Variants in FCF1 observed in about 807,000 individuals in gnomAD.
FCF1 encodes the protein rRNA-processing protein FCF1 homolog.
A neutral mutation model predicts 32.5 loss-of-function variants in FCF1; 17 were observed. The ratio of observed to expected loss-of-function variants is 0.52; its 90% CI spans 0.36 to 0.78. FCF1 has a LOEUF of 0.78. Among genes scored for constraint, FCF1 ranks in the 30% least tolerant of loss-of-function variants. FCF1 has a pLI of 0.00. For synonymous variants in FCF1, 84 were observed against 78.4 expected (o/e 1.07, Z -0.38); for missense variants, 201 against 241.1 (o/e 0.83, Z 1.10).
At chr14:74,734,452 G>T (rs927463939) in intron 7 of FCF1, among the ~76,000 whole-genome samples, 1 of 151,506 alleles carries the variant, frequency 6.6e-6, no homozygotes, top group Non-Finnish European at 1.5e-5. Flanking sequence ...AATCTTTTTG[G>T]CCAGAAATAC....
intron 3 of FCF1, chr14:74,715,744 A>G: frequency 1.8e-6 from 2 of 1,110,676 alleles, no homozygotes; most frequent in Non-Finnish European, 2.6e-6. Context: ...TTGCTTTTTT[A>G]AAGTTGGTGA....
chr14:74,716,201 C>G, intron 4 of FCF1, 102 bp downstream of exon 4: 1 of 1,140,992 alleles, frequency 8.8e-7, no homozygotes, highest in Admixed American at 1.9e-5. Flanking sequence ...AACTGAATTG[C>G]TGGCCATTTA....
chr14:74,716,206 C>A, intron 4 of FCF1, 107 bp downstream of exon 4: 2 of 1,087,380 alleles, frequency 1.8e-6, no homozygotes, highest in Non-Finnish European at 2.8e-6. Context: ...AATTGCTGGC[C>A]ATTTAATTTA....
chr14:74,713,900 T>G (rs930945689), intron 2 of FCF1, among the ~76,000 whole-genome samples: 3 of 152,202 alleles, frequency 2.0e-5, no homozygotes, highest in Admixed American at 6.5e-5. Context: ...GGGGAGTGTT[T>G]CTTGTTGAAA....
In FCF1 at chr14:74,737,100, A is replaced by G. The variant is rs899332528; in HGVS notation, c.*2170A>G. On this transcript the variant is annotated 3_prime_UTR_variant, in exon 8 of 8. Transcript: ENST00000341162. ...TAGAAAATCCATTAACCTATGTATA[A>G]TCCCAGCACTTTGGGAGACTGAGGT... 3.3e-5 allele frequency: 5 copies of G among 152,242 alleles called. No individual in the cohort carries two copies. Among genetic ancestry groups the G allele is most frequent in the African/African-American group, 1.2e-4 (5 of 41,452 alleles). The allele number at this position is 152,242 out of a possible 1,614,324, so 9.4% of individuals were successfully genotyped here.
intron 4 of FCF1, among the ~76,000 whole-genome samples, chr14:74,718,273 A>G (rs1396819220): frequency 6.6e-6 from 1 of 152,144 alleles, no homozygotes; most frequent in Non-Finnish European, 1.5e-5. Context: ...TTTATAGTCC[A>G]ACAAGGAAGG....
At position 74,723,252 on chromosome 14, in the gene FCF1, TG is replaced by T; in HGVS notation, c.293-19del. ...TTCGTTACAAGTTCTGTTCTTAATG[TG>T]AATTTTTTTCCCTGGCAGGTATCCC... On this transcript the variant is annotated intron_variant, in intron 4 of 7. Transcript: ENST00000341162. 2 of 1,590,970 alleles carry T rather than the reference TG, an allele frequency of 1.3e-6. No individual in the cohort carries two copies. Among genetic ancestry groups the T allele is most frequent in the Non-Finnish European group, 1.7e-6 (2 of 1,159,674 alleles).
At chr14:74,729,037 C>T (rs1212009869) in intron 5 of FCF1, among the ~76,000 whole-genome samples, 1 of 152,192 alleles carries the variant, frequency 6.6e-6, no homozygotes, top group Non-Finnish European at 1.5e-5. Context: ...CATCAGTGTT[C>T]ATCAAGGATA....
chr14:74,718,053 G>A (rs1016502633), intron 4 of FCF1, among the ~76,000 whole-genome samples: 1 of 152,010 alleles, frequency 6.6e-6, no homozygotes, highest in African/African-American at 2.4e-5. Flanking sequence ...TTTCGTAGAG[G>A]CGGGTTTCAC....
At chr14:74,726,929 C>T (rs868538751) in intron 5 of FCF1, among the ~76,000 whole-genome samples, 1,804 of 152,000 alleles carry the variant, frequency 0.012, 25 homozygotes, top group African/African-American at 0.04. Flanking sequence ...CTACAAAGGA[C>T]GTGAACTCAT....
At chr14:74,720,411 A>G (rs1391684968) in intron 4 of FCF1, among the ~76,000 whole-genome samples, 1 of 152,168 alleles carries the variant, frequency 6.6e-6, no homozygotes, top group Admixed American at 6.6e-5. Flanking sequence ...TGTTTCTATA[A>G]ATTTCCCTAT....
chr14:74,734,073 C>A lies in FCF1; in HGVS notation c.454-3C>A. 1 of 1,607,764 alleles carries A rather than the reference C, an allele frequency of 6.2e-7. No individual in the cohort carries two copies. The highest frequency in any genetic ancestry group is 8.5e-7 in the Non-Finnish European group (1 of 1,174,350). ...TGTGAACATCACTCCATGTCTCTTACAGCATAAGTGTTACATTGTGGCCAC... is the reference window on the plus strand; with the variant it reads ...TGTGAACATCACTCCATGTCTCTTAAAGCATAAGTGTTACATTGTGGCCAC... On this transcript the variant is annotated splice_region_variant and splice_polypyrimidine_tract_variant and intron_variant, in intron 6 of 7. Coordinates refer to ENST00000341162, the MANE Select transcript of FCF1 (RefSeq NM_015962.5).
At chr14:74,713,999 A>C (rs1032362238) in intron 2 of FCF1, among the ~76,000 whole-genome samples, 1 of 152,250 alleles carries the variant, frequency 6.6e-6, no homozygotes, top group African/African-American at 2.4e-5. Flanking sequence ...AAACTCCAAG[A>C]TATCTCCATT....
At chr14:74,720,041 C>G (rs2090479375) in intron 4 of FCF1, among the ~76,000 whole-genome samples, 1 of 152,134 alleles carries the variant, frequency 6.6e-6, no homozygotes, top group African/African-American at 2.4e-5. Flanking sequence ...ACTCGGGAGG[C>G]TGATGCAGGA....
At chr14:74,730,476 G>T (rs181544818) in intron 5 of FCF1, among the ~76,000 whole-genome samples, 44 of 152,232 alleles carry the variant, frequency 2.9e-4, no homozygotes, top group African/African-American at 1.0e-3. Flanking sequence ...CACTTAGGAA[G>T]GCTGTGGCGG....
intron 5 of FCF1, among the ~76,000 whole-genome samples, chr14:74,727,401 T>C (rs543194662): frequency 6.6e-6 from 1 of 152,202 alleles, no homozygotes; most frequent in East Asian, 1.9e-4. Context: ...TGCATAAATG[T>C]CTTCTTTTGA....
At chr14:74,730,241 C>G (rs963894904) in intron 5 of FCF1, among the ~76,000 whole-genome samples, 22 of 118,062 alleles carry the variant, frequency 1.9e-4, no homozygotes, top group Non-Finnish European at 2.3e-4. Flanking sequence ...AAGACAGATT[C>G]TCACTCTGTC....
At chr14:74,718,531 T>G (rs113002799) in intron 4 of FCF1, among the ~76,000 whole-genome samples, 2,346 of 151,896 alleles carry the variant, frequency 0.015, 59 homozygotes, top group African/African-American at 0.054. Context: ...TGGAGTACAG[T>G]GGGGTGATCT....
intron 5 of FCF1, among the ~76,000 whole-genome samples, chr14:74,730,285 T>C (rs910367857): frequency 2.0e-5 from 3 of 147,016 alleles, no homozygotes; most frequent in Non-Finnish European, 4.5e-5. Context: ...CTATCACAGC[T>C]CACTGCAGCC....
Sources: gnomAD v4.1 joint callset for allele counts (sites outside exome capture counted in the v4.1 genomes callset) on GRCh38, gnomAD v4.1.1 for gene constraint, MANE v1.5 for transcripts, NCBI Gene and HGNC (gene_info 2026-07-23, HGNC 2026-07-21) for gene names.